Variants in LCLAT1 observed in about 807,000 individuals in gnomAD.
The protein encoded by LCLAT1 is 1-AGP acyltransferase 8.
Under a neutral mutation model 30.7 loss-of-function variants are expected in LCLAT1, and 11 were observed. The ratio of observed to expected loss-of-function variants is 0.36; its 90% CI spans 0.23 to 0.59. LCLAT1 has a LOEUF of 0.59. Ranked by LOEUF, LCLAT1 falls within the 20% of genes least tolerant of loss-of-function variation. The pLI, the probability that LCLAT1 is intolerant of heterozygous loss-of-function variation, is 0.77. For synonymous variants in LCLAT1, 155 were observed against 151.3 expected (o/e 1.02, Z -0.18); for missense variants, 402 against 458.6 (o/e 0.88, Z 1.13).
intron 1 of LCLAT1, among the ~76,000 whole-genome samples, chr2:30,457,806 C>G (rs60693376): frequency 6.6e-6 from 1 of 152,192 alleles, no homozygotes; most frequent in Non-Finnish European, 1.5e-5. Context: ...ATCCCATTTA[C>G]TGTTGCGATT....
At chr2:30,592,434 C>T (rs1666737187) in intron 5 of LCLAT1, among the ~76,000 whole-genome samples, 1 of 151,900 alleles carries the variant, frequency 6.6e-6, no homozygotes, top group Non-Finnish European at 1.5e-5. Context: ...CAGTGAGCTG[C>T]AATTGCACCA....
chr2:30,560,327 T>TGTGTG (rs1453741640), intron 3 of LCLAT1, among the ~76,000 whole-genome samples: 11 of 141,974 alleles, frequency 7.7e-5, no homozygotes, highest in African/African-American at 2.7e-4. Context: ...TGTGTGTGTA[T>TGTGTG]TATTTATTTA....
intron 5 of LCLAT1, among the ~76,000 whole-genome samples, chr2:30,617,928 C>G (rs1668071748): frequency 6.6e-6 from 1 of 152,114 alleles, no homozygotes; most frequent in African/African-American, 2.4e-5. Context: ...CATTATCTTC[C>G]AATCTGTGGC....
At chr2:30,464,120 G>T (rs960231513) in intron 1 of LCLAT1, among the ~76,000 whole-genome samples, 3 of 152,076 alleles carry the variant, frequency 2.0e-5, no homozygotes, top group African/African-American at 7.2e-5. Flanking sequence ...CCCTCACTTT[G>T]CTGGATACTA....
intron 1 of LCLAT1, among the ~76,000 whole-genome samples, chr2:30,454,727 G>A (rs1221575696): frequency 4.6e-5 from 7 of 152,114 alleles, no homozygotes; most frequent in Non-Finnish European, 1.0e-4. Context: ...GTGATTACAG[G>A]CGTGAGCCAC....
At chr2:30,574,671 C>T (rs531690350) in intron 5 of LCLAT1, among the ~76,000 whole-genome samples, 27 of 150,148 alleles carry the variant, frequency 1.8e-4, no homozygotes, top group African/African-American at 5.1e-4. Context: ...GTCCTTCAGA[C>T]GATTCTCCAT....
At chr2:30,476,256 T>A in intron 1 of LCLAT1, 1 of 385,648 alleles carries the variant, frequency 2.6e-6, no homozygotes, top group South Asian at 1.9e-5. Context: ...TCCAATTTAT[T>A]TGTGTAGATA....
At chr2:30,452,604 GA>G (rs1681613214) in intron 1 of LCLAT1, among the ~76,000 whole-genome samples, 1 of 152,108 alleles carries the variant, frequency 6.6e-6, no homozygotes, top group Admixed American at 6.5e-5. Flanking sequence ...GAACATAATA[GA>G]TTTTTTTGTT....
chr2:30,630,063 A>G (rs948847249), intron 5 of LCLAT1, among the ~76,000 whole-genome samples: 16 of 152,196 alleles, frequency 1.1e-4, no homozygotes, highest in African/African-American at 3.1e-4. Flanking sequence ...TCTGGAGGCC[A>G]GAAGACCAAG....
At chr2:30,626,091 T>C (rs1668496408) in intron 5 of LCLAT1, among the ~76,000 whole-genome samples, 1 of 152,170 alleles carries the variant, frequency 6.6e-6, no homozygotes, top group African/African-American at 2.4e-5. Context: ...ACTCAATAAA[T>C]AGTAATAGCC....
chr2:30,628,285 G>A lies in LCLAT1; in HGVS notation c.629-11832G>A, dbSNP rs144340044. ...ACATAAAATAAGATTTGAGCAAAAG[G>A]AAAGAAAAAGCATACCATTTTCTTG... On this transcript the variant is annotated intron_variant, in intron 5 of 5. Transcript: ENST00000379509. Among the ~76,000 whole-genome samples, 542 of 152,278 alleles carry A rather than the reference G, an allele frequency of 3.6e-3. 2 individuals are homozygous for A. Among genetic ancestry groups the A allele is most frequent in the African/African-American group, 0.011 (471 of 41,562 alleles).
intron 5 of LCLAT1, among the ~76,000 whole-genome samples, chr2:30,585,530 T>C (rs1390857619): frequency 2.0e-5 from 3 of 152,162 alleles, no homozygotes; most frequent in Non-Finnish European, 4.4e-5. Flanking sequence ...ACTTCATAGT[T>C]TGGATCTTGT....
At chr2:30,506,776 T>C (rs115676471) in intron 1 of LCLAT1, among the ~76,000 whole-genome samples, 159 of 152,256 alleles carry the variant, frequency 1.0e-3, no homozygotes, top group Admixed American at 1.7e-3. Context: ...ATACACTCTT[T>C]AACAGCAGTT....
intron 5 of LCLAT1, among the ~76,000 whole-genome samples, chr2:30,621,401 G>T (rs544700599): frequency 4.6e-5 from 7 of 152,080 alleles, no homozygotes; most frequent in Non-Finnish European, 7.4e-5. Flanking sequence ...AGAGATTAGT[G>T]CCCTTACAAG....
intron 1 of LCLAT1, among the ~76,000 whole-genome samples, chr2:30,474,728 A>G (rs1411733028): frequency 1.3e-5 from 2 of 150,440 alleles, no homozygotes; most frequent in East Asian, 2.0e-4. Flanking sequence ...AGCTCACAGT[A>G]GCCTTGACCT....
intron 2 of LCLAT1, among the ~76,000 whole-genome samples, chr2:30,530,225 A>G (rs1238678194): frequency 1.3e-5 from 2 of 152,240 alleles, no homozygotes; most frequent in Non-Finnish European, 2.9e-5. Flanking sequence ...TATCTCCTAT[A>G]CTAGCAATAA....
chr2:30,532,729 T>G (rs1686042871), intron 2 of LCLAT1, among the ~76,000 whole-genome samples: 1 of 152,140 alleles, frequency 6.6e-6, no homozygotes, highest in Non-Finnish European at 1.5e-5. Context: ...GGGATTTTTT[T>G]TTTTCCCCTG....
At chr2:30,532,973 A>AT (rs981454066) in intron 2 of LCLAT1, 143 bp from the exon 3 acceptor site, 3 of 636,616 alleles carry the variant, frequency 4.7e-6, no homozygotes, top group African/African-American at 3.7e-5. Context: ...TCACCACTCA[A>AT]TTTTTTATTA....
At chr2:30,467,127 C>A (rs1208715119) in intron 1 of LCLAT1, among the ~76,000 whole-genome samples, 1 of 151,904 alleles carries the variant, frequency 6.6e-6, no homozygotes, top group Admixed American at 6.6e-5. Flanking sequence ...GTGTGATGTT[C>A]CCCTTCCCGT....
Sources: gnomAD v4.1 joint callset for allele counts (sites outside exome capture counted in the v4.1 genomes callset) on GRCh38, gnomAD v4.1.1 for gene constraint, MANE v1.5 for transcripts, NCBI Gene and HGNC (gene_info 2026-07-23, HGNC 2026-07-21) for gene names.